The following TBK1 variants were observed in gnomAD, a reference collection of about 807,000 sequenced individuals.
TBK1 encodes TANK binding kinase 1.
In TBK1, 37 loss-of-function variants were observed where a neutral mutation model predicts 99.9. That is an observed-to-expected ratio of 0.37 (90% CI 0.28 to 0.49). The LOEUF (loss-of-function observed/expected upper bound fraction) is 0.49, where lower values mean the gene tolerates loss of function less well. Among genes scored for constraint, TBK1 ranks in the 20% least tolerant of loss-of-function variants. The pLI is 0.98. For missense variants in TBK1, 644 were observed against 872.5 expected, an observed-to-expected ratio of 0.74 and a Z score of 3.30; for synonymous variants, 258 against 279.8, an observed-to-expected ratio of 0.92 and a Z score of 0.78.
chr12:64,501,230 A>G, intron 20 of TBK1, 100 bp from the exon 21 acceptor site: 3 of 1,080,774 alleles, frequency 2.8e-6, no homozygotes, highest in African/African-American at 3.2e-5. Context: ...TTAAAAATAA[A>G]TAGCTATTTA....
At chr12:64,490,861 G>A (rs1369630126) in intron 13 of TBK1, among the ~76,000 whole-genome samples, 1 of 151,086 alleles carries the variant, frequency 6.6e-6, no homozygotes, top group Non-Finnish European at 1.5e-5. Flanking sequence ...AGCGGAGGTT[G>A]TAGTGAGTCG....
At chr12:64,498,108 C>A in intron 20 of TBK1, 69 bp downstream of exon 20, 2 of 1,282,010 alleles carry the variant, frequency 1.6e-6, no homozygotes, top group Non-Finnish European at 1.1e-6. Context: ...GTACTTATAT[C>A]TTCCTGTATC....
chr12:64,461,265 A>G (rs1371149915), intron 3 of TBK1, among the ~76,000 whole-genome samples: 2 of 152,072 alleles, frequency 1.3e-5, no homozygotes, highest in African/African-American at 2.4e-5. Flanking sequence ...CAAGAGTCCT[A>G]CAGTTTAAGA....
In TBK1 at chr12:64,484,325, G is replaced by T. The variant is rs1446559992; in HGVS notation, c.1015G>T (p.Val339Leu). Residue 339 changes from valine to leucine, a missense_variant, in exon 9 of 21, where the codon GTA becomes TTA. Around this residue, in one of 3 missense-constraint regions of TBK1, gnomAD observed 465 missense variants for 588.0 expected, o/e 0.79. Coordinates refer to ENST00000331710, the MANE Select transcript of TBK1 (RefSeq NM_013254.4). ...YNTATIFHELVYKQTKIISSN... is the reference protein window; with the variant it reads ...YNTATIFHELLYKQTKIISSN... ...CAGTGCTACTATATTTCATGAACTGGTATATAAACAAACCAAAATTATTTC... is the reference window on the plus strand; with the variant it reads ...CAGTGCTACTATATTTCATGAACTGTTATATAAACAAACCAAAATTATTTC... 5 of 1,612,226 alleles carry T rather than the reference G, an allele frequency of 3.1e-6. No individual in the cohort carries two copies. In the African/African-American group the frequency reaches 4.0e-5, roughly 13 times the overall value.
At chr12:64,460,353 A>G (rs756066324) in intron 3 of TBK1, 24 bp downstream of exon 3, 2 of 1,499,542 alleles carry the variant, frequency 1.3e-6, no homozygotes, top group African/African-American at 1.4e-5. Context: ...CTTCAATCTT[A>G]TATTTATTGT....
intron 10 of TBK1, 43 bp downstream of exon 10, chr12:64,485,556 T>C: frequency 2.9e-6 from 3 of 1,029,182 alleles, no homozygotes; most frequent in Non-Finnish European, 4.3e-6. Flanking sequence ...CTGAATTTAA[T>C]GTATCCTATC....
At chr12:64,462,753 G>A (rs972502227) in intron 3 of TBK1, among the ~76,000 whole-genome samples, 1 of 152,152 alleles carries the variant, frequency 6.6e-6, no homozygotes, top group African/African-American at 2.4e-5. Flanking sequence ...GACTCATTCA[G>A]ATTTTCAGAT....
chr12:64,480,235 G>A, intron 7 of TBK1, 113 bp downstream of exon 7: 1 of 657,016 alleles, frequency 1.5e-6, no homozygotes, highest in South Asian at 2.6e-5. Flanking sequence ...ATTTTAATTA[G>A]ATATTGTCAA....
chr12:64,461,209 C>T (rs992707503), intron 3 of TBK1, among the ~76,000 whole-genome samples: 6 of 150,632 alleles, frequency 4.0e-5, no homozygotes, highest in African/African-American at 1.2e-4. Flanking sequence ...AAGAAAAAAT[C>T]GAACTTTAAA....
chr12:64,481,334 C>G (rs570957138), intron 7 of TBK1, among the ~76,000 whole-genome samples: 3 of 152,124 alleles, frequency 2.0e-5, no homozygotes, highest in Admixed American at 6.5e-5. Context: ...TCGAATCAGT[C>G]TTTAGCATAC....
At chr12:64,488,132 A>G (rs1225965506) in intron 11 of TBK1, among the ~76,000 whole-genome samples, 1 of 152,232 alleles carries the variant, frequency 6.6e-6, no homozygotes, top group Non-Finnish European at 1.5e-5. Flanking sequence ...TTTAAAGTAT[A>G]AATCAGACAG....
At chr12:64,480,149 C>T in intron 7 of TBK1, 27 bp downstream of exon 7, 1 of 1,544,204 alleles carries the variant, frequency 6.5e-7, no homozygotes, top group Non-Finnish European at 8.9e-7. Flanking sequence ...TAATTCTCAT[C>T]TTTTGCACTT....
chr12:64,466,417 A>G (rs2040605206), intron 4 of TBK1, among the ~76,000 whole-genome samples: 1 of 152,046 alleles, frequency 6.6e-6, no homozygotes, highest in Non-Finnish European at 1.5e-5. Context: ...TTACAGAAAC[A>G]AGTTTGACAC....
At chr12:64,453,126 CA>C (rs2040446051) in intron 1 of TBK1, among the ~76,000 whole-genome samples, 1 of 152,200 alleles carries the variant, frequency 6.6e-6, no homozygotes, top group Non-Finnish European at 1.5e-5. Flanking sequence ...ATTTATATGG[CA>C]AGCACGTTGT....
intron 3 of TBK1, among the ~76,000 whole-genome samples, chr12:64,463,121 C>T (rs1274481288): frequency 6.6e-6 from 1 of 152,146 alleles, no homozygotes; most frequent in Non-Finnish European, 1.5e-5. Context: ...CCTGTAATCC[C>T]AGCACTTTGG....
chr12:64,465,620 T>TATATGCTACAACATGGATG (rs1443503625), intron 4 of TBK1, among the ~76,000 whole-genome samples: 1 of 152,232 alleles, frequency 6.6e-6, no homozygotes, highest in Admixed American at 6.5e-5. Flanking sequence ...GAAGTAGTTA[T>TATATGCTACAACATGGATG]ATATGCTACA....
chr12:64,464,222 G>A (rs2040579313), intron 3 of TBK1, 112 bp from the exon 4 acceptor site: 1 of 790,126 alleles, frequency 1.3e-6, no homozygotes, highest in Admixed American at 3.1e-5. Context: ...GTGAAGCAAA[G>A]TGCCTTCATC....
intron 12 of TBK1, among the ~76,000 whole-genome samples, chr12:64,489,706 CTACAGGTGCA>C (rs1330274994): frequency 6.6e-6 from 1 of 150,920 alleles, no homozygotes; most frequent in East Asian, 1.9e-4. Context: ...GTAACTGGGA[CTACAGGTGCA>C]TGCCACCACG....
At chr12:64,455,297 T>A (rs1361196846) in intron 1 of TBK1, among the ~76,000 whole-genome samples, 2 of 152,150 alleles carry the variant, frequency 1.3e-5, no homozygotes, top group East Asian at 1.9e-4. Flanking sequence ...AAACTTAGAT[T>A]TTTTTTGTCA....
Sources: allele counts gnomAD v4.1 joint callset (sites outside exome capture counted in the v4.1 genomes callset), GRCh38; gene constraint gnomAD v4.1.1; regional missense constraint gnomAD v4.1.1; transcripts MANE v1.5; gene names NCBI Gene and HGNC (gene_info 2026-07-23, HGNC 2026-07-21).